Variants in LDB2 observed in about 807,000 individuals in gnomAD.
LDB2 encodes the protein LIM domain binding 2, also known as LIM domain-binding protein 2.
In LDB2, 12 loss-of-function variants were observed where a neutral mutation model predicts 44.3. That is an observed-to-expected ratio of 0.27 (90% CI 0.17 to 0.44). The LOEUF is 0.44. LDB2 is among the 20% of genes least tolerant of loss of function. The pLI, the probability that LDB2 is intolerant of heterozygous loss-of-function variation, is 1.00. For missense variants in LDB2, 344 were observed against 473.5 expected, an observed-to-expected ratio of 0.73 and a Z score of 2.54; for synonymous variants, 164 against 174.8, an observed-to-expected ratio of 0.94 and a Z score of 0.49.
chr4:16,539,460 GT>G (rs1485268239), intron 5 of LDB2, among the ~76,000 whole-genome samples: 2 of 152,176 alleles, frequency 1.3e-5, no homozygotes, highest in Non-Finnish European at 2.9e-5. Flanking sequence ...GACAAGGGCA[GT>G]TTCTGCCCCT....
At chr4:16,609,670 G>T (rs1725080004) in intron 2 of LDB2, among the ~76,000 whole-genome samples, 1 of 152,186 alleles carries the variant, frequency 6.6e-6, no homozygotes, top group Non-Finnish European at 1.5e-5. Context: ...AATAACTCCA[G>T]CCAGAGGCTC....
At chr4:16,768,673 A>C (rs1769909551) in intron 1 of LDB2, among the ~76,000 whole-genome samples, 1 of 152,196 alleles carries the variant, frequency 6.6e-6, no homozygotes, top group Non-Finnish European at 1.5e-5. Context: ...CTTAATCACA[A>C]GCCACCCTTT....
intron 2 of LDB2, among the ~76,000 whole-genome samples, chr4:16,603,101 T>C (rs969029696): frequency 4.6e-5 from 7 of 152,216 alleles, no homozygotes; most frequent in Admixed American, 1.3e-4. Flanking sequence ...CTTCTAGATG[T>C]GTGTCTTTCA....
intron 1 of LDB2, among the ~76,000 whole-genome samples, chr4:16,794,889 A>G (rs1224645080): frequency 2.0e-5 from 3 of 152,166 alleles, no homozygotes; most frequent in Non-Finnish European, 4.4e-5. Context: ...ATTCCCACAT[A>G]CAATCATGTG....
chr4:16,722,807 G>A (rs1428921542), intron 2 of LDB2, among the ~76,000 whole-genome samples: 1 of 152,080 alleles, frequency 6.6e-6, no homozygotes, highest in Non-Finnish European at 1.5e-5. Context: ...AAGGTTCTGA[G>A]GGTAGGGTCT....
chr4:16,503,596 C>A (rs755787036), intron 7 of LDB2, among the ~76,000 whole-genome samples: 1 of 152,204 alleles, frequency 6.6e-6, no homozygotes, highest in Non-Finnish European at 1.5e-5. Flanking sequence ...CTTGAATTTA[C>A]CATCTGTTAT....
At chr4:16,615,268 G>A (rs1299703674) in intron 2 of LDB2, among the ~76,000 whole-genome samples, 1 of 151,892 alleles carries the variant, frequency 6.6e-6, no homozygotes, top group African/African-American at 2.4e-5. Flanking sequence ...ATAACCTAAT[G>A]GAATATAAAT....
intron 2 of LDB2, among the ~76,000 whole-genome samples, chr4:16,746,735 C>T (rs895463253): frequency 6.6e-6 from 1 of 152,148 alleles, no homozygotes; most frequent in African/African-American, 2.4e-5. Flanking sequence ...TGCAGTGAGT[C>T]TAGATTGTGC....
intron 2 of LDB2, among the ~76,000 whole-genome samples, chr4:16,690,705 A>T (rs1750554872): frequency 6.6e-6 from 1 of 152,170 alleles, no homozygotes; most frequent in Non-Finnish European, 1.5e-5. Context: ...GCAAACAAAA[A>T]TGTAAATCCT....
intron 5 of LDB2, among the ~76,000 whole-genome samples, chr4:16,553,411 C>G (rs1481942474): frequency 6.6e-6 from 1 of 152,192 alleles, no homozygotes; most frequent in African/African-American, 2.4e-5. Flanking sequence ...CTCCTCCCAC[C>G]TCGGCCTTCC....
chr4:16,872,219 G>A (rs56077104), intron 1 of LDB2, among the ~76,000 whole-genome samples: 29 of 151,868 alleles, frequency 1.9e-4, no homozygotes, highest in African/African-American at 7.0e-4. Flanking sequence ...TCTACTCAGG[G>A]ACATCTTCTT....
chr4:16,672,661 C>A (rs1745106388), intron 2 of LDB2, among the ~76,000 whole-genome samples: 1 of 152,166 alleles, frequency 6.6e-6, no homozygotes, highest in African/African-American at 2.4e-5. Flanking sequence ...AAACTACAGG[C>A]AGGCCAACAT....
chr4:16,670,108 A>C (rs1189365414), intron 2 of LDB2, among the ~76,000 whole-genome samples: 1 of 152,146 alleles, frequency 6.6e-6, no homozygotes, highest in Non-Finnish European at 1.5e-5. Flanking sequence ...CTCTGATCTA[A>C]ATCATTGATG....
intron 1 of LDB2, among the ~76,000 whole-genome samples, chr4:16,785,765 C>G (rs147804056): frequency 6.6e-6 from 1 of 152,256 alleles, no homozygotes; most frequent in East Asian, 1.9e-4. Flanking sequence ...AATCACCTAG[C>G]CTTCCTACTT....
chr4:16,777,393 A>C (rs541939309), intron 1 of LDB2, among the ~76,000 whole-genome samples: 1 of 152,092 alleles, frequency 6.6e-6, no homozygotes, highest in Non-Finnish European at 1.5e-5. Context: ...CAAGTACAAC[A>C]GCCCTGAGAT....
chr4:16,520,286 T>C (rs1725536385), intron 5 of LDB2, among the ~76,000 whole-genome samples: 1 of 112,974 alleles, frequency 8.9e-6, no homozygotes, highest in Non-Finnish European at 1.8e-5. Flanking sequence ...AAAAAATATA[T>C]GGAATCTAAA....
chr4:16,687,715 CT>C (rs1749610681), intron 2 of LDB2, among the ~76,000 whole-genome samples: 1 of 152,128 alleles, frequency 6.6e-6, no homozygotes, highest in Non-Finnish European at 1.5e-5. Flanking sequence ...CCCACCCTGC[CT>C]TTTCTCTGTA....
intron 1 of LDB2, among the ~76,000 whole-genome samples, chr4:16,822,658 GC>G (rs1782318162): frequency 6.6e-6 from 1 of 151,852 alleles, no homozygotes; most frequent in Non-Finnish European, 1.5e-5. Context: ...GAAATTACAG[GC>G]ACGTGCCACC....
At chr4:16,562,608 A>T (rs1742814693) in intron 5 of LDB2, among the ~76,000 whole-genome samples, 1 of 152,224 alleles carries the variant, frequency 6.6e-6, no homozygotes, top group Non-Finnish European at 1.5e-5. Context: ...ACACTTTTAC[A>T]CTGTTGGTGG....
Sources: gnomAD v4.1 joint callset for allele counts (sites outside exome capture counted in the v4.1 genomes callset) on GRCh38, gnomAD v4.1.1 for gene constraint, MANE v1.5 for transcripts, NCBI Gene and HGNC (gene_info 2026-07-23, HGNC 2026-07-21) for gene names.